SUSD6: variants seen among roughly 807,000 people sequenced by gnomAD.
SUSD6 encodes sushi domain containing 6, also known as sushi domain-containing protein 6.
A neutral mutation model predicts 28.4 loss-of-function variants in SUSD6; 16 were observed. The ratio of observed to expected loss-of-function variants is 0.56; its 90% CI spans 0.38 to 0.86. SUSD6 has a LOEUF of 0.86. SUSD6 is among the 40% of genes least tolerant of loss of function. The pLI is 0.00. For missense variants in SUSD6, 341 were observed against 384.2 expected, an observed-to-expected ratio of 0.89 and a Z score of 0.94; for synonymous variants, 147 against 159.6, an observed-to-expected ratio of 0.92 and a Z score of 0.59.
At chr14:69,628,158 C>G (rs1322727301) in intron 1 of SUSD6, among the ~76,000 whole-genome samples, 1 of 151,992 alleles carries the variant, frequency 6.6e-6, no homozygotes, top group Non-Finnish European at 1.5e-5. Context: ...GTCTGGAACT[C>G]CTGACCTCAG....
rs185284046 is a variant in SUSD6 at position 69,692,003 on chromosome 14, C to T, written c.122-11392C>T. ...GCAGTGAGCTGAGATCATGCCACTG[C>T]ACTCCAGCTTGGGTGACAGAGTGAG... On this transcript the variant is annotated intron_variant, in intron 2 of 5. Coordinates refer to ENST00000342745, the MANE Select transcript of SUSD6 (RefSeq NM_014734.4). Among the ~76,000 whole-genome samples, 609 of 148,586 alleles carry T rather than the reference C, an allele frequency of 4.1e-3. 3 individuals are homozygous for T. Among genetic ancestry groups the T allele is most frequent in the African/African-American group, 0.014 (575 of 39,920 alleles).
At chr14:69,696,480 T>C (rs1420795102) in intron 2 of SUSD6, among the ~76,000 whole-genome samples, 1 of 152,262 alleles carries the variant, frequency 6.6e-6, no homozygotes, top group Non-Finnish European at 1.5e-5. Flanking sequence ...CATTGAAGGC[T>C]AGAAGTAGAA....
chr14:69,699,696 G>A (rs541043168), intron 2 of SUSD6, among the ~76,000 whole-genome samples: 4 of 152,016 alleles, frequency 2.6e-5, no homozygotes, highest in Admixed American at 1.3e-4. Context: ...ATACTGAAGC[G>A]GTGTTGTTGT....
intron 1 of SUSD6, among the ~76,000 whole-genome samples, chr14:69,650,965 T>G (rs905301213): frequency 6.6e-6 from 1 of 152,126 alleles, no homozygotes; most frequent in Admixed American, 6.5e-5. Context: ...GTCAGAACAA[T>G]GAGGATAGAG....
At chr14:69,686,417 T>G (rs1037317126) in intron 2 of SUSD6, among the ~76,000 whole-genome samples, 25 of 152,208 alleles carry the variant, frequency 1.6e-4, no homozygotes, top group African/African-American at 5.3e-4. Context: ...GGTTCTGGTG[T>G]AAGAGTCGTG....
At chr14:69,637,275 T>C (rs888247813) in intron 1 of SUSD6, among the ~76,000 whole-genome samples, 1 of 152,144 alleles carries the variant, frequency 6.6e-6, no homozygotes, top group African/African-American at 2.4e-5. Context: ...GTGCTGGCAT[T>C]ACACCCTGTG....
chr14:69,652,255 T>C (rs1412799667), intron 1 of SUSD6, among the ~76,000 whole-genome samples: 2 of 152,094 alleles, frequency 1.3e-5, no homozygotes, highest in East Asian at 3.9e-4. Flanking sequence ...GAGACCAGCT[T>C]GATTGACATG....
chr14:69,691,763 G>A (rs552002918), intron 2 of SUSD6, among the ~76,000 whole-genome samples: 39 of 152,302 alleles, frequency 2.6e-4, no homozygotes, highest in Non-Finnish European at 2.8e-4. Context: ...TTCTCAGCCA[G>A]GCTTGGTGGC....
chr14:69,675,736 A>G (rs1885898657), intron 2 of SUSD6, among the ~76,000 whole-genome samples: 1 of 152,246 alleles, frequency 6.6e-6, no homozygotes, highest in African/African-American at 2.4e-5. Flanking sequence ...GGACAAAGCC[A>G]GAATTCAACC....
chr14:69,639,022 T>A (rs1885307590), intron 1 of SUSD6, among the ~76,000 whole-genome samples: 1 of 152,088 alleles, frequency 6.6e-6, no homozygotes, highest in East Asian at 1.9e-4. Context: ...TCTCTTTGGA[T>A]CATTAGAAGT....
At chr14:69,678,886 G>A (rs1885956972) in intron 2 of SUSD6, among the ~76,000 whole-genome samples, 5 of 152,008 alleles carry the variant, frequency 3.3e-5, no homozygotes, top group Admixed American at 3.3e-4. Context: ...TGTGTCCTAA[G>A]CATGTGTGCA....
In SUSD6 at chr14:69,711,089, T is replaced by C. The variant is rs1886455956; in HGVS notation, c.*110T>C. The C allele has an allele frequency of 1.9e-6, 2 of 1,076,464 alleles. No individual in the cohort carries two copies. The highest frequency in any genetic ancestry group is 3.1e-5 in the African/African-American group (2 of 64,432). 66.7% of individuals were successfully genotyped at this position (1,076,464 alleles called of 1,614,324 possible). A position where few individuals can be genotyped will look rare whatever the true frequency, so the allele number is the denominator to read the frequency against. On this transcript the variant is annotated 3_prime_UTR_variant, in exon 6 of 6. Transcript: ENST00000342745. Reference sequence around the variant, plus strand: ...AGCCACCTTACCTGGATACCTGAGCTGCCACCTGTGTATCTGTGTATCTCT... The same window carrying C: ...AGCCACCTTACCTGGATACCTGAGCCGCCACCTGTGTATCTGTGTATCTCT...
At chr14:69,692,451 AG>A (rs1566605244) in intron 2 of SUSD6, among the ~76,000 whole-genome samples, 1 of 152,220 alleles carries the variant, frequency 6.6e-6, no homozygotes. Context: ...AGGTGACCTC[AG>A]TCCATTACTA....
At chr14:69,633,920 C>T (rs1232491242) in intron 1 of SUSD6, among the ~76,000 whole-genome samples, 1 of 152,100 alleles carries the variant, frequency 6.6e-6, no homozygotes, top group Non-Finnish European at 1.5e-5. Flanking sequence ...AGTGCAGTTC[C>T]CAGTAGGATT....
Position 69,713,456 on chromosome 14 carries a change from CCT to C in SUSD6, c.*2479_*2480del, listed in dbSNP as rs2139651426. On this transcript the variant is annotated 3_prime_UTR_variant, in exon 6 of 6. Coordinates refer to ENST00000342745, the MANE Select transcript of SUSD6 (RefSeq NM_014734.4). Reference sequence around the variant, plus strand: ...CTGTGAGTGCAGGAGCTCATTCTCCCCTCACTGCTGAAGTCTGTGACAGCTTC... The same window carrying C: ...CTGTGAGTGCAGGAGCTCATTCTCCCCACTGCTGAAGTCTGTGACAGCTTC... 1 of 152,418 alleles carries C rather than the reference CCT, an allele frequency of 6.6e-6. No individual in the cohort carries two copies. The highest frequency in any genetic ancestry group is 2.4e-5 in the African/African-American group (1 of 41,592). The allele number at this position is 152,418 out of a possible 1,614,324, so 9.4% of individuals were successfully genotyped here.
At chr14:69,619,184 G>C (rs1228716367) in intron 1 of SUSD6, among the ~76,000 whole-genome samples, 4 of 152,160 alleles carry the variant, frequency 2.6e-5, no homozygotes, top group African/African-American at 9.7e-5. Context: ...GGGTGTCGTG[G>C]TTCATATTTT....
intron 2 of SUSD6, 75 bp downstream of exon 2, chr14:69,658,788 G>T: frequency 6.3e-7 from 1 of 1,593,554 alleles, no homozygotes; most frequent in Non-Finnish European, 8.6e-7. Context: ...GACTAGGACA[G>T]GGGACTCTCC....
At chr14:69,710,897 G>A in intron 5 of SUSD6, 57 bp from the exon 6 acceptor site, 1 of 1,565,064 alleles carries the variant, frequency 6.4e-7, no homozygotes, top group Non-Finnish European at 8.8e-7. Context: ...GGGGTCGAGA[G>A]TGCTCTAGAG....
chr14:69,642,720 T>C lies in SUSD6; in HGVS notation c.-80-15793T>C, dbSNP rs146554151. On this transcript the variant is annotated intron_variant, in intron 1 of 5. Coordinates refer to ENST00000342745, the MANE Select transcript of SUSD6 (RefSeq NM_014734.4). ...CGATACAATTCAAGGTGAGATTTGG[T>C]TGGGGACACAGCCAAACCATATCAG... is the stretch of plus-strand genomic sequence containing the variant. 4.3e-3 allele frequency among the ~76,000 whole-genome samples: 628 copies of C among 147,708 alleles called. 3 individuals are homozygous for C. The highest frequency in any genetic ancestry group is 6.3e-3 in the Non-Finnish European group (426 of 67,116).
Sources: gnomAD v4.1 joint callset for allele counts (sites outside exome capture counted in the v4.1 genomes callset) on GRCh38, gnomAD v4.1.1 for gene constraint, MANE v1.5 for transcripts, NCBI Gene and HGNC (gene_info 2026-07-23, HGNC 2026-07-21) for gene names.